DUSP13B: variants seen among roughly 807,000 people sequenced by gnomAD.
DUSP13B encodes the protein dual specificity protein phosphatase 13B.
the DUSP13B span, chr10:75,102,023 C>A: frequency 8.0e-7 from 1 of 1,253,488 alleles, no homozygotes; most frequent in African/African-American, 1.5e-5. Flanking sequence ...CCAGCCTCCC[C>A]TGCCACTCCC....
At chr10:75,107,688 T>C in the DUSP13B span, among the ~76,000 whole-genome samples, 2 of 152,150 alleles carry the variant, frequency 1.3e-5, no homozygotes, top group South Asian at 4.1e-4. Flanking sequence ...GCAATTCTCC[T>C]GCCTCAGCCT....
the DUSP13B span, among the ~76,000 whole-genome samples, chr10:75,102,438 G>A: frequency 2.6e-5 from 4 of 151,950 alleles, no homozygotes; most frequent in African/African-American, 4.8e-5. Context: ...GCGAGACTCC[G>A]TCTCAAAAAG....
the DUSP13B span, among the ~76,000 whole-genome samples, chr10:75,097,499 C>T: frequency 3.3e-5 from 5 of 152,200 alleles, no homozygotes; most frequent in South Asian, 2.1e-4. Flanking sequence ...CGTGAGCCAC[C>T]GCACCCGGCC....
At chr10:75,108,798 C>T in the DUSP13B span, among the ~76,000 whole-genome samples, 1 of 152,176 alleles carries the variant, frequency 6.6e-6, no homozygotes, top group East Asian at 1.9e-4. Context: ...TCCCTGCTTT[C>T]AGGCAGGCGA....
chr10:75,098,801 C>T, the DUSP13B span, among the ~76,000 whole-genome samples: 1 of 152,190 alleles, frequency 6.6e-6, no homozygotes, highest in Non-Finnish European at 1.5e-5. Context: ...CGTGGGATAT[C>T]TGTTCCTATT....
At chr10:75,100,079 G>C in the DUSP13B span, among the ~76,000 whole-genome samples, 1 of 152,098 alleles carries the variant, frequency 6.6e-6, no homozygotes, top group Non-Finnish European at 1.5e-5. Flanking sequence ...GACAGGCTCC[G>C]GGCTCAGGCC....
the DUSP13B span, chr10:75,095,853 C>G: frequency 5.1e-6 from 8 of 1,559,562 alleles, no homozygotes; most frequent in Non-Finnish European, 7.1e-6. Flanking sequence ...TGTGGCAGCT[C>G]TGGCTGGGTT....
chr10:75,094,605 A>C, the DUSP13B span: 1 of 1,538,684 alleles, frequency 6.5e-7, no homozygotes, highest in Non-Finnish European at 8.9e-7. Flanking sequence ...TAGAAACAGC[A>C]GAGCCTGCTG....
the DUSP13B span, chr10:75,095,906 G>A: frequency 9.9e-7 from 1 of 1,009,990 alleles, no homozygotes; most frequent in South Asian, 1.5e-5. Flanking sequence ...CAAGGGTAGA[G>A]ACAAGAGCCT....
the DUSP13B span, among the ~76,000 whole-genome samples, chr10:75,106,047 G>GTTCTGC: frequency 1.6e-4 from 24 of 149,932 alleles, 1 homozygote; most frequent in African/African-American, 7.4e-5. Context: ...ATCAACACCT[G>GTTCTGC]TTCTGCCTAC....
At chr10:75,108,099 C>G in the DUSP13B span, 1 of 1,613,872 alleles carries the variant, frequency 6.2e-7, no homozygotes, top group Non-Finnish European at 8.5e-7. Context: ...GTAGCTCACA[C>G]TGCTGCCGTA....
chr10:75,096,058 C>A, the DUSP13B span, among the ~76,000 whole-genome samples: 1 of 152,252 alleles, frequency 6.6e-6, no homozygotes, highest in Non-Finnish European at 1.5e-5. Context: ...AGTTTGAGAC[C>A]AGCCTGGCCA....
chr10:75,098,022 A>AT, the DUSP13B span: 1 of 739,078 alleles, frequency 1.4e-6, no homozygotes, highest in Non-Finnish European at 2.1e-6. Context: ...CACATGAGGT[A>AT]TTAACAAGCT....
At chr10:75,108,979 C>T in the DUSP13B span, 1 of 1,573,218 alleles carries the variant, frequency 6.4e-7, no homozygotes, top group Non-Finnish European at 8.6e-7. Context: ...ACGTCCCCAC[C>T]CCCATGCCCC....
chr10:75,108,434 T>C, the DUSP13B span, among the ~76,000 whole-genome samples: 1 of 152,090 alleles, frequency 6.6e-6, no homozygotes, highest in African/African-American at 2.4e-5. Flanking sequence ...TAGACCCTCT[T>C]TGCTTCCTCA....
the DUSP13B span, chr10:75,105,789 C>G: frequency 1.3e-6 from 2 of 1,551,066 alleles, no homozygotes; most frequent in East Asian, 4.9e-5. Context: ...GCAGGGACAG[C>G]CGCTGGTGCA....
chr10:75,107,204 G>A, the DUSP13B span, among the ~76,000 whole-genome samples: 3 of 152,170 alleles, frequency 2.0e-5, no homozygotes, highest in South Asian at 2.1e-4. Flanking sequence ...GTATGGTGGC[G>A]GATGCCTGTA....
chr10:75,096,042 G>A, the DUSP13B span, among the ~76,000 whole-genome samples: 1 of 152,226 alleles, frequency 6.6e-6, no homozygotes, highest in Admixed American at 6.5e-5. Context: ...ATCACTTGAG[G>A]TCAGGAGTTT....
the DUSP13B span, chr10:75,094,988 T>C: frequency 2.1e-6 from 2 of 952,132 alleles, no homozygotes; most frequent in Non-Finnish European, 1.6e-6. Flanking sequence ...ATACTGACAC[T>C]GTCTACTCTG....
Sources: allele counts gnomAD v4.1 joint callset (sites outside exome capture counted in the v4.1 genomes callset), GRCh38; gene constraint gnomAD v4.1.1; transcripts MANE v1.5; gene names NCBI Gene and HGNC (gene_info 2026-07-23, HGNC 2026-07-21).